The following PTPRR variants were observed in gnomAD, a reference collection of about 807,000 sequenced individuals.
PTPRR encodes the protein receptor-type tyrosine-protein phosphatase R.
In PTPRR, 38 loss-of-function variants were observed where a neutral mutation model predicts 77.2. The ratio of observed to expected loss-of-function variants is 0.49; its 90% CI spans 0.38 to 0.65. The LOEUF (loss-of-function observed/expected upper bound fraction) is 0.65, where lower values mean the gene tolerates loss of function less well. Ranked by LOEUF, PTPRR falls within the 30% of genes least tolerant of loss-of-function variation. PTPRR has a pLI of 0.00. For missense variants in PTPRR, 744 were observed against 799.2 expected, an observed-to-expected ratio of 0.93 and a Z score of 0.83; for synonymous variants, 299 against 283.1, an observed-to-expected ratio of 1.06 and a Z score of -0.57.
intron 10 of PTPRR, among the ~76,000 whole-genome samples, chr12:70,671,318 A>G (rs1887213900): frequency 6.6e-6 from 1 of 152,184 alleles, no homozygotes; most frequent in South Asian, 2.1e-4. Flanking sequence ...AGTAATGAAT[A>G]ATAAAAAATA....
chr12:70,754,059 T>G, intron 5 of PTPRR, 132 bp downstream of exon 5: 1 of 866,418 alleles, frequency 1.2e-6, no homozygotes. Context: ...ATATGAAATA[T>G]TCCTAATCTA....
At chr12:70,777,009 T>G (rs886653182) in intron 2 of PTPRR, among the ~76,000 whole-genome samples, 6 of 152,152 alleles carry the variant, frequency 3.9e-5, no homozygotes, top group Non-Finnish European at 7.4e-5. Flanking sequence ...TTGTGTATAC[T>G]TCCAAATATT....
At chr12:70,809,297 A>G (rs1177824151) in intron 2 of PTPRR, among the ~76,000 whole-genome samples, 1 of 152,172 alleles carries the variant, frequency 6.6e-6, no homozygotes, top group Non-Finnish European at 1.5e-5. Context: ...AGGCAAATGC[A>G]AAGGATGGAG....
chr12:70,865,284 T>C (rs1892823781), intron 2 of PTPRR, among the ~76,000 whole-genome samples: 1 of 97,502 alleles, frequency 1.0e-5, no homozygotes, highest in South Asian at 2.9e-4. Flanking sequence ...TTACCCAGTC[T>C]CAGGTGTATC....
rs560965370 is a variant in PTPRR, at chr12:70,905,435, T to C, written c.59-12458A>G. On this transcript the variant is annotated intron_variant, in intron 1 of 13. Transcript: ENST00000283228. The stretch of plus-strand genomic sequence containing the variant: ...TACCTGTGAGGGATAGAGTGTCTCT[T>C]ACAGAATGTTTAGTAAGTAGCTTGC... Among the ~76,000 whole-genome samples the C allele has an allele frequency of 5.3e-5, 8 of 152,034 alleles. No individual in the cohort carries two copies. In the South Asian group the frequency reaches 1.7e-3, roughly 31 times the overall value.
chr12:70,808,028 T>C (rs1891741868), intron 2 of PTPRR, among the ~76,000 whole-genome samples: 1 of 152,132 alleles, frequency 6.6e-6, no homozygotes, highest in Non-Finnish European at 1.5e-5. Flanking sequence ...GCTGAATTCT[T>C]TCCCCAGTAA....
At chr12:70,914,823 T>TAAC (rs1468523374) in intron 1 of PTPRR, among the ~76,000 whole-genome samples, 10 of 152,008 alleles carry the variant, frequency 6.6e-5, no homozygotes, top group Non-Finnish European at 1.2e-4. Flanking sequence ...GCCCTGTCTC[T>TAAC]AACAACAACA....
chr12:70,754,314 A>G lies in PTPRR; in HGVS notation c.628-13T>C, dbSNP rs1298299075. The G allele has an allele frequency of 1.9e-6, 3 of 1,612,618 alleles. No homozygotes were observed. The highest frequency in any genetic ancestry group is 2.5e-6 in the Non-Finnish European group (3 of 1,179,586). Reference sequence around the variant, plus strand: ...GTAAAACATTTTTCTTTAAAAGCAAAACAGAAAGTCCGACGTTAAATGAGA... The same window carrying G: ...GTAAAACATTTTTCTTTAAAAGCAAGACAGAAAGTCCGACGTTAAATGAGA... On this transcript the variant is annotated splice_polypyrimidine_tract_variant and intron_variant, in intron 4 of 13. Transcript: ENST00000283228.
intron 2 of PTPRR, among the ~76,000 whole-genome samples, chr12:70,860,063 C>A (rs1484475072): frequency 6.6e-6 from 1 of 152,006 alleles, no homozygotes; most frequent in African/African-American, 2.4e-5. Flanking sequence ...TTTCATAAAG[C>A]TCACAGGTCT....
chr12:70,822,478 G>A (rs777217342), intron 2 of PTPRR, among the ~76,000 whole-genome samples: 54 of 152,292 alleles, frequency 3.5e-4, no homozygotes, highest in Non-Finnish European at 7.1e-4. Context: ...CATGTGTCAT[G>A]CCCTGTAGAG....
At chr12:70,686,704 G>T (rs1423757972) in intron 8 of PTPRR, among the ~76,000 whole-genome samples, 2 of 152,126 alleles carry the variant, frequency 1.3e-5, no homozygotes, top group Non-Finnish European at 2.9e-5. Flanking sequence ...GGGAACTGAG[G>T]CCTCCAGCTG....
At chr12:70,823,700 A>G (rs1425243645) in intron 2 of PTPRR, among the ~76,000 whole-genome samples, 1 of 152,178 alleles carries the variant, frequency 6.6e-6, no homozygotes, top group African/African-American at 2.4e-5. Context: ...GACCTTGCTT[A>G]GGGAGGTGGC....
chr12:70,884,871 C>CAAAA (rs529547383), intron 2 of PTPRR, among the ~76,000 whole-genome samples: 55 of 53,888 alleles, frequency 1.0e-3, no homozygotes, highest in East Asian at 2.1e-3. Flanking sequence ...AACTCTGTCT[C>CAAAA]AAAAAAAAAA....
chr12:70,821,318 G>A (rs1000636950), intron 2 of PTPRR, among the ~76,000 whole-genome samples: 17 of 142,650 alleles, frequency 1.2e-4, no homozygotes, highest in Admixed American at 3.8e-4. Flanking sequence ...TCCGCCTCCC[G>A]GGTACAAGTG....
chr12:70,775,126 C>A (rs1891061725), intron 2 of PTPRR, among the ~76,000 whole-genome samples: 1 of 152,134 alleles, frequency 6.6e-6, no homozygotes, highest in South Asian at 2.1e-4. Flanking sequence ...TACAACAGTA[C>A]ATAATTTCAT....
chr12:70,767,098 T>C (rs1234222538), intron 2 of PTPRR, among the ~76,000 whole-genome samples: 6 of 151,784 alleles, frequency 4.0e-5, no homozygotes, highest in Admixed American at 3.9e-4. Flanking sequence ...AGGAAGAAAC[T>C]ACATCAACTA....
At chr12:70,911,325 T>C (rs942239963) in intron 1 of PTPRR, among the ~76,000 whole-genome samples, 1 of 152,100 alleles carries the variant, frequency 6.6e-6, no homozygotes, top group African/African-American at 2.4e-5. Context: ...AGACAACAGA[T>C]GGGAAGCCTA....
chr12:70,826,364 T>TGC (rs1051203313), intron 2 of PTPRR, among the ~76,000 whole-genome samples: 3 of 152,172 alleles, frequency 2.0e-5, no homozygotes, highest in African/African-American at 7.2e-5. Flanking sequence ...CCCATCTCAT[T>TGC]GCGGCCCAGT....
At chr12:70,897,609 G>T (rs1893453824) in intron 1 of PTPRR, among the ~76,000 whole-genome samples, 1 of 151,968 alleles carries the variant, frequency 6.6e-6, no homozygotes, top group South Asian at 2.1e-4. Context: ...ATTCCTCAGG[G>T]ATCTAGAACT....
Sources: allele counts gnomAD v4.1 joint callset (sites outside exome capture counted in the v4.1 genomes callset), GRCh38; gene constraint gnomAD v4.1.1; transcripts MANE v1.5; gene names NCBI Gene and HGNC (gene_info 2026-07-23, HGNC 2026-07-21).